The following USP43 variants were observed in gnomAD, a reference collection of about 807,000 sequenced individuals.
The protein encoded by USP43 is ubiquitin specific peptidase 43.
Under a neutral mutation model 90.7 loss-of-function variants are expected in USP43, and 33 were observed. The observed-to-expected ratio is 0.36, with a 90% CI of 0.28 to 0.49. USP43 has a LOEUF of 0.49. USP43 is among the 20% of genes least tolerant of loss of function. The probability of loss-of-function intolerance (pLI) is 0.98; values close to 1 mark genes in which losing one functional copy is unlikely to be tolerated. For missense variants in USP43, 1,274 were observed against 1,476.4 expected, an observed-to-expected ratio of 0.86 and a Z score of 2.25; for synonymous variants, 598 against 615.8, an observed-to-expected ratio of 0.97 and a Z score of 0.43.
chr17:9,699,618 G>C (rs1041533705), intron 9 of USP43, among the ~76,000 whole-genome samples: 6 of 152,156 alleles, frequency 3.9e-5, no homozygotes, highest in African/African-American at 9.7e-5. Context: ...CATCTCTTCT[G>C]TATTGAGGCT....
At chr17:9,673,565 G>C (rs1913578331) in intron 3 of USP43, among the ~76,000 whole-genome samples, 1 of 152,220 alleles carries the variant, frequency 6.6e-6, no homozygotes, top group African/African-American at 2.4e-5. Flanking sequence ...CTAAAGTAAA[G>C]GAGTATTAAG....
Position 9,701,147 on chromosome 17 carries a change from G to T in USP43, c.1564G>T (p.Ala522Ser). 1 of 1,498,438 alleles carries T rather than the reference G, an allele frequency of 6.7e-7. No individual in the cohort carries two copies. Among genetic ancestry groups the T allele is most frequent in the South Asian group, 1.4e-5 (1 of 73,262 alleles). The allele number at this position is 1,498,438 out of a possible 1,614,324, so 92.8% of individuals were successfully genotyped here. Reference protein sequence around the residue: ...RLFGSLQEERAQDADSVWQQQ... With the variant: ...RLFGSLQEERSQDADSVWQQQ... ...GTTCGGGAGCCTCCAGGAGGAGCGA[G>T]CGCAGGATGCCGACAGTGTGTGGCA... Residue 522 changes from alanine to serine, a missense_variant, in exon 11 of 15, where the codon GCG (alanine) becomes TCG (serine). Ala to Ser is a moderately conservative substitution (Grantham distance 99). This residue lies in a region of USP43 where 253 missense variants were observed against 276.0 expected (regional missense o/e 0.92). Transcript: ENST00000285199. The surrounding 1 kb of genome is among the most constrained non-coding windows in gnomAD (Gnocchi z 7.2).
In USP43 at chr17:9,686,926, CGTGT is replaced by C. The variant is rs148093920; in HGVS notation, c.1353+29_1353+32del. ...CCTGTACAGGTCAGTGGTGTGCATG[CGTGT>C]GTGTGTGTGTGCGTGCATGCGCATG... On this transcript the variant is annotated intron_variant, in intron 8 of 14. Coordinates refer to ENST00000285199, the MANE Select transcript of USP43 (RefSeq NM_153210.5). The surrounding 1 kb of genome is among the most constrained non-coding windows in gnomAD (Gnocchi z 5.5). 15 of 1,567,352 alleles carry C rather than the reference CGTGT, an allele frequency of 9.6e-6. No individual in the cohort carries two copies. The highest frequency in any genetic ancestry group is 4.6e-5 in the East Asian group (2 of 43,392).
intron 3 of USP43, among the ~76,000 whole-genome samples, chr17:9,672,172 T>G (rs1913480618): frequency 6.6e-6 from 1 of 152,110 alleles, no homozygotes; most frequent in Admixed American, 6.5e-5. Context: ...AATTTTTGTA[T>G]TTTTAGTAGA....
intron 14 of USP43, among the ~76,000 whole-genome samples, chr17:9,714,573 C>T (rs1206350786): frequency 6.6e-6 from 1 of 151,420 alleles, no homozygotes; most frequent in Non-Finnish European, 1.5e-5. Flanking sequence ...ATCCCAGCTA[C>T]TCAGGAGGCT....
At chr17:9,694,919 C>G (rs529817867) in intron 9 of USP43, among the ~76,000 whole-genome samples, 3 of 152,188 alleles carry the variant, frequency 2.0e-5, no homozygotes, top group East Asian at 3.9e-4. Context: ...CCACCGCACC[C>G]GGCCTATTAT....
At position 9,651,287 on chromosome 17, in the gene USP43, G is replaced by A. The variant is rs368020121; in HGVS notation, c.505-5116G>A. On this transcript the variant is annotated intron_variant, in intron 1 of 14. Coordinates refer to ENST00000285199, the MANE Select transcript of USP43 (RefSeq NM_153210.5). ...GCTCACTGCAACCTCTGCCTCCCGA[G>A]TTCAAGCAATTCTCCTGTCTCAGCC... Among the ~76,000 whole-genome samples, 15 of 152,076 alleles carry A rather than the reference G, an allele frequency of 9.9e-5. No individual in the cohort carries two copies. The South Asian group carries it at 3.1e-3, about 32-fold the overall frequency.
At chr17:9,683,056 GT>G (rs1914397954) in intron 7 of USP43, 98 bp downstream of exon 7, 1 of 1,457,098 alleles carries the variant, frequency 6.9e-7, no homozygotes, top group Admixed American at 2.2e-5. Context: ...TATTCCCAAG[GT>G]TAATAAACTA....
At chr17:9,700,138 T>A in intron 9 of USP43, 34 bp from the exon 10 acceptor site, 1 of 1,565,452 alleles carries the variant, frequency 6.4e-7, no homozygotes, top group Non-Finnish European at 8.7e-7. Flanking sequence ...GGAGGCCCCG[T>A]GTTTTCTGAT....
chr17:9,715,949 A>G (rs372166525), intron 14 of USP43, among the ~76,000 whole-genome samples: 1 of 121,416 alleles, frequency 8.2e-6, no homozygotes, highest in Non-Finnish European at 1.7e-5. Flanking sequence ...CTGTGTGTCT[A>G]TGTGTATGTA....
At chr17:9,715,788 T>C (rs941259357) in intron 14 of USP43, among the ~76,000 whole-genome samples, 10 of 151,154 alleles carry the variant, frequency 6.6e-5, no homozygotes, top group African/African-American at 2.4e-4. Flanking sequence ...TGTGTGTCTC[T>C]GTGTGTGTGT....
rs1310110862 is a variant in USP43 at position 9,686,096 on chromosome 17, T to C, written c.1242-702T>C. ...GCCTGACTTATTTCACTTAACATAA[T>C]GTCCTCCAGCCTCATCCATCTTGCC... On this transcript the variant is annotated intron_variant, in intron 7 of 14. Transcript: ENST00000285199. This position sits in a 1 kb window ranked among gnomAD's most constrained non-coding sequence, Gnocchi z 5.5. 1.3e-5 allele frequency among the ~76,000 whole-genome samples: 2 copies of C among 152,234 alleles called. No homozygotes were observed. The highest frequency in any genetic ancestry group is 2.9e-5 in the Non-Finnish European group (2 of 68,038).
At chr17:9,669,506 C>A (rs975134272) in intron 3 of USP43, among the ~76,000 whole-genome samples, 2 of 152,110 alleles carry the variant, frequency 1.3e-5, no homozygotes, top group African/African-American at 4.8e-5. Flanking sequence ...TCATTCATGC[C>A]CTACTGCGTG....
At chr17:9,680,091 G>A in intron 5 of USP43, 140 bp from the exon 6 acceptor site, 1 of 696,076 alleles carries the variant, frequency 1.4e-6, no homozygotes, top group South Asian at 2.1e-5. Context: ...TATCTACTAT[G>A]CTGCCTTATT....
chr17:9,649,239 G>A (rs373742440), intron 1 of USP43, among the ~76,000 whole-genome samples: 11 of 152,204 alleles, frequency 7.2e-5, no homozygotes, highest in African/African-American at 2.4e-4. Context: ...CCTGGGAGGC[G>A]GAGGTTGCAG....
At position 9,728,589 on chromosome 17, in the gene USP43, C is replaced by T. The variant is rs781718407; in HGVS notation, c.2971C>T (p.Pro991Ser). The change falls in exon 15 of 15, where the codon CCC becomes TCC. Residue 991 changes from proline to serine, a missense_variant. This residue lies in a region of USP43 where 353 missense variants were observed against 329.7 expected (regional missense o/e 1.07). Coordinates refer to ENST00000285199, the MANE Select transcript of USP43 (RefSeq NM_153210.5). This position sits in a 1 kb window ranked among gnomAD's most constrained non-coding sequence, Gnocchi z 6.2. ...CCGAGGCACCTCTGAGCTAGACAGA[C>T]CCCTGCAGGGGACACTCACCCTTCT... ...SRRGTSELDRPLQGTLTLLRS... is the reference protein window; with the variant it reads ...SRRGTSELDRSLQGTLTLLRS... 8.1e-6 allele frequency: 13 copies of T among 1,613,956 alleles called. 1 individual carries two copies. In the Middle Eastern group the frequency reaches 4.9e-4, roughly 61 times the overall value.
At chr17:9,679,692 C>T (rs1459276343) in intron 5 of USP43, among the ~76,000 whole-genome samples, 10 of 151,928 alleles carry the variant, frequency 6.6e-5, no homozygotes, top group Admixed American at 1.3e-4. Context: ...ATCTTTTTAA[C>T]GAGAACTTCC....
chr17:9,715,699 CTG>C (rs1217889576), intron 14 of USP43, among the ~76,000 whole-genome samples: 10 of 99,468 alleles, frequency 1.0e-4, no homozygotes, highest in African/African-American at 2.9e-4. Context: ...GTGTGTGTGT[CTG>C]TGTGTGTCTC....
At chr17:9,669,790 A>C (rs1172328694) in intron 3 of USP43, 2 of 152,504 alleles carry the variant, frequency 1.3e-5, no homozygotes, top group Non-Finnish European at 2.9e-5. Context: ...AGGACACAGC[A>C]CAGGCAAAGG....
Sources: allele counts gnomAD v4.1 joint callset (sites outside exome capture counted in the v4.1 genomes callset), GRCh38; gene constraint gnomAD v4.1.1; regional missense constraint gnomAD v4.1.1; non-coding constraint Gnocchi (gnomAD v3.1); transcripts MANE v1.5; gene names NCBI Gene and HGNC (gene_info 2026-07-23, HGNC 2026-07-21).